The following LIMS4 variants were observed in gnomAD, a reference collection of about 807,000 sequenced individuals.
The protein encoded by LIMS4 is LIM and senescent cell antigen-like-containing domain protein 4.
chr2:110,390,247 G>T, the LIMS4 span, among the ~76,000 whole-genome samples: 1 of 141,386 alleles, frequency 7.1e-6, no homozygotes, highest in East Asian at 2.1e-4. Context: ...GATGCACTGA[G>T]ACTTGGAGCA....
At chr2:110,360,823 TC>T in the LIMS4 span, 1 of 1,453,022 alleles carries the variant, frequency 6.9e-7, no homozygotes, top group Non-Finnish European at 9.5e-7. Context: ...TGGCTGAGGT[TC>T]CTTTAACTTG....
At chr2:110,381,976 A>C in the LIMS4 span, among the ~76,000 whole-genome samples, 1 of 61,680 alleles carries the variant, frequency 1.6e-5, no homozygotes, top group Non-Finnish European at 2.7e-5. Context: ...CTGAGGCAGG[A>C]GAATCACTTA....
the LIMS4 span, among the ~76,000 whole-genome samples, chr2:110,402,246 TATTA>T: frequency 4.1e-4 from 17 of 41,016 alleles, no homozygotes; most frequent in African/African-American, 1.0e-3. Context: ...AATTTTTCAA[TATTA>T]TAAACCGTCA....
At chr2:110,372,446 A>G in the LIMS4 span, among the ~76,000 whole-genome samples, 1 of 137,810 alleles carries the variant, frequency 7.3e-6, no homozygotes, top group Non-Finnish European at 1.5e-5. Context: ...GAAAAACTGT[A>G]GAAAGGCAGG....
the LIMS4 span, among the ~76,000 whole-genome samples, chr2:110,425,034 C>G: frequency 7.0e-6 from 1 of 143,234 alleles, no homozygotes; most frequent in African/African-American, 2.9e-5. Context: ...TTTATTCTTT[C>G]TGTTTTCACA....
At chr2:110,442,792 G>A (rs1168023660), downstream of LIMS4, among the ~76,000 whole-genome samples, 6 of 149,368 alleles carry the variant, frequency 4.0e-5, no homozygotes, top group Admixed American at 1.3e-4. Context: ...TCTGCCTCCT[G>A]GTTTCAAGCA....
At chr2:110,385,206 TAAACAAACAAAC>T in the LIMS4 span, among the ~76,000 whole-genome samples, 5 of 150,790 alleles carry the variant, frequency 3.3e-5, no homozygotes, top group Non-Finnish European at 7.4e-5. Context: ...CCATGGGGCC[TAAACAAACAAAC>T]AAACAAACAA....
chr2:110,391,123 G>A, the LIMS4 span, among the ~76,000 whole-genome samples: 1,296 of 142,864 alleles, frequency 9.1e-3, no homozygotes, highest in African/African-American at 0.025. Flanking sequence ...GGGGGACAGC[G>A]TGGCTGGAGG....
chr2:110,425,744 G>C, the LIMS4 span, among the ~76,000 whole-genome samples: 5 of 140,738 alleles, frequency 3.6e-5, no homozygotes, highest in Non-Finnish European at 7.4e-5. Flanking sequence ...CTGACAATTT[G>C]AATGAGCTCG....
the LIMS4 span, among the ~76,000 whole-genome samples, chr2:110,419,656 C>CAAAAAAAAAAAAAAAAAAA: frequency 1.2e-4 from 1 of 8,142 alleles, no homozygotes; most frequent in South Asian, 4.1e-3. Context: ...ACAACAACAA[C>CAAAAAAAAAAAAAAAAAAA]AAAAAAAAAA....
the LIMS4 span, among the ~76,000 whole-genome samples, chr2:110,385,199 T>G: frequency 2.7e-5 from 4 of 150,858 alleles, no homozygotes; most frequent in South Asian, 6.2e-4. Flanking sequence ...ACAGCCCCCA[T>G]GGGGCCTAAA....
the LIMS4 span, among the ~76,000 whole-genome samples, chr2:110,371,250 A>C: frequency 5.5e-4 from 71 of 128,418 alleles, 1 homozygote; most frequent in Non-Finnish European, 5.3e-4. Context: ...AAAAAAAAAA[A>C]AAAAACAAGT....
the LIMS4 span, among the ~76,000 whole-genome samples, chr2:110,407,595 T>C: frequency 0.22 from 26,463 of 120,568 alleles, 207 homozygotes; most frequent in East Asian, 0.4. Flanking sequence ...CTTCCCTGCG[T>C]GTGAGGCCCA....
chr2:110,390,394 G>T, the LIMS4 span, among the ~76,000 whole-genome samples: 1 of 125,600 alleles, frequency 8.0e-6, no homozygotes, highest in Admixed American at 8.1e-5. Flanking sequence ...TGGACCCCAG[G>T]CCAGTGCTGG....
the LIMS4 span, among the ~76,000 whole-genome samples, chr2:110,422,514 T>C: frequency 8.9e-6 from 1 of 111,922 alleles, no homozygotes; most frequent in Non-Finnish European, 1.6e-5. Flanking sequence ...GGGGTCTTGC[T>C]CTTTTGCCCA....
chr2:110,367,643 A>G, the LIMS4 span, among the ~76,000 whole-genome samples: 1 of 145,390 alleles, frequency 6.9e-6, no homozygotes, highest in Non-Finnish European at 1.5e-5. Context: ...TTGGGAGGCC[A>G]AGGCAGGTGG....
At chr2:110,411,445 T>C in the LIMS4 span, among the ~76,000 whole-genome samples, 1 of 136,768 alleles carries the variant, frequency 7.3e-6, no homozygotes, top group Non-Finnish European at 1.5e-5. Context: ...ACTTGAAGAG[T>C]TCTGACATTG....
chr2:110,365,832 T>C, the LIMS4 span, among the ~76,000 whole-genome samples: 1 of 142,974 alleles, frequency 7.0e-6, no homozygotes. Context: ...ACAATCAAAA[T>C]TGACAAAGGA....
chr2:110,366,356 G>T, the LIMS4 span, among the ~76,000 whole-genome samples: 3 of 152,206 alleles, frequency 2.0e-5, no homozygotes, highest in Non-Finnish European at 2.9e-5. Context: ...ATCAAGCAGG[G>T]TTTATGCCTG....
Sources: allele counts gnomAD v4.1 joint callset (sites outside exome capture counted in the v4.1 genomes callset), GRCh38; gene constraint gnomAD v4.1.1; transcripts MANE v1.5; gene names NCBI Gene and HGNC (gene_info 2026-07-23, HGNC 2026-07-21).